COL21A1: variants seen among roughly 807,000 people sequenced by gnomAD.
COL21A1 encodes collagen alpha-1(XXI) chain.
COL21A1 carries 149 observed loss-of-function variants against 137.9 expected under a neutral mutation model. The ratio of observed to expected loss-of-function variants is 1.08; its 90% CI spans 0.95 to 1.24. COL21A1 has a LOEUF of 1.24. COL21A1 is among the 50% of genes most tolerant of loss of function. The pLI is 0.00. For missense variants in COL21A1, 1,167 were observed against 1,158.4 expected (o/e 1.01, Z -0.11); for synonymous variants, 456 against 391.5 (o/e 1.16, Z -1.95).
intron 17 of COL21A1, among the ~76,000 whole-genome samples, chr6:56,081,628 A>C (rs2114154134): frequency 6.6e-6 from 1 of 152,022 alleles, no homozygotes; most frequent in Non-Finnish European, 1.5e-5. Flanking sequence ...TATAGGGAGA[A>C]GTAACTTACA....
At chr6:56,243,049 C>G (rs576854841) in intron 1 of COL21A1, among the ~76,000 whole-genome samples, 21 of 151,812 alleles carry the variant, frequency 1.4e-4, no homozygotes, top group Non-Finnish European at 1.3e-4. Flanking sequence ...GAGCCCTTGG[C>G]TAAGAATGAC....
chr6:56,314,194 A>C (rs1212813573), intron 1 of COL21A1, among the ~76,000 whole-genome samples: 2 of 152,176 alleles, frequency 1.3e-5, no homozygotes, highest in Admixed American at 1.3e-4. Context: ...CATGTTGGTC[A>C]GGATGATCTC....
chr6:56,059,811 T>C (rs570838800), intron 28 of COL21A1, among the ~76,000 whole-genome samples: 167 of 152,314 alleles, frequency 1.1e-3, no homozygotes, highest in Non-Finnish European at 1.9e-3. Flanking sequence ...TAAGTTTATG[T>C]GTTCATAAAT....
In COL21A1 at chr6:56,134,357, C is replaced by T. The variant is rs142454194; in HGVS notation, c.1542+7428G>A. Among the ~76,000 whole-genome samples, 1,103 of 152,182 alleles carry T rather than the reference C, an allele frequency of 7.2e-3. 17 individuals are homozygous for T. The highest frequency in any genetic ancestry group is 0.025 in the African/African-American group (1,039 of 41,518). ...TTCGTTTTGGTCAATTTCTCCCATT[C>T]GGAATGGGAGTATTTATCCAATGCC... On this transcript the variant is annotated intron_variant, in intron 12 of 29. Coordinates refer to ENST00000244728, the MANE Select transcript of COL21A1 (RefSeq NM_030820.4).
intron 1 of COL21A1, among the ~76,000 whole-genome samples, chr6:56,265,262 T>C (rs1763368199): frequency 6.6e-6 from 1 of 152,146 alleles, no homozygotes; most frequent in Admixed American, 6.5e-5. Flanking sequence ...CTGGGGTGGA[T>C]TGTCCAGAAC....
At chr6:56,226,169 G>T (rs1378557292) in intron 1 of COL21A1, among the ~76,000 whole-genome samples, 2 of 151,978 alleles carry the variant, frequency 1.3e-5, no homozygotes, top group Non-Finnish European at 1.5e-5. Context: ...TAACATCAGG[G>T]AGAAAAATAA....
chr6:56,127,132 A>C (rs1242604333), intron 12 of COL21A1, among the ~76,000 whole-genome samples: 1 of 152,152 alleles, frequency 6.6e-6, no homozygotes, highest in Non-Finnish European at 1.5e-5. Context: ...GCAGAGGATT[A>C]ATCTCTCATA....
intron 1 of COL21A1, among the ~76,000 whole-genome samples, chr6:56,304,212 G>T: frequency 6.6e-6 from 1 of 151,902 alleles, no homozygotes; most frequent in Non-Finnish European, 1.5e-5. Flanking sequence ...TTGTGTCTCT[G>T]CCCAGCTTTG....
chr6:56,086,853 G>A (rs1768301251), intron 17 of COL21A1, among the ~76,000 whole-genome samples: 1 of 152,178 alleles, frequency 6.6e-6, no homozygotes, highest in Non-Finnish European at 1.5e-5. Context: ...GTCAAAAGCA[G>A]TCTTAAATAA....
rs376621092 is a variant in COL21A1 at position 56,179,799 on chromosome 6, A to C, written c.419T>G (p.Val140Gly). The C allele has an allele frequency of 3.1e-6, 5 of 1,613,850 alleles. No homozygotes were observed. The African/African-American group carries it at 5.3e-5, about 17-fold the overall frequency. The part of the protein sequence containing the change: ...KSSRFLTKIA[V>G]VLTDGKSQDD... ...TTGGGATTTGCCATCCGTAAGTACC[A>C]CTGCTATCTTAGTCAGAAATCGTGA... Residue 140 changes from valine (V) to glycine (G), a missense_variant, in exon 3 of 30, where the codon GTG becomes GGG. Coordinates refer to ENST00000244728, the MANE Select transcript of COL21A1 (RefSeq NM_030820.4).
intron 1 of COL21A1, among the ~76,000 whole-genome samples, chr6:56,384,036 C>T (rs2094013305): frequency 6.6e-6 from 1 of 152,116 alleles, no homozygotes; most frequent in African/African-American, 2.4e-5. Flanking sequence ...GCCCCCTTCG[C>T]ACTAATTTGT....
At position 56,153,620 on chromosome 6, in the gene COL21A1, T is replaced by C. The variant is rs118177180; in HGVS notation, c.1434+3267A>G. On this transcript the variant is annotated intron_variant, in intron 10 of 29. Transcript: ENST00000244728. Reference sequence around the variant, plus strand: ...TCTCCCTCTCTGTGCTTAATTCATTTCAATCTGTTGTTTGTACTACCCTCC... The same window carrying C: ...TCTCCCTCTCTGTGCTTAATTCATTCCAATCTGTTGTTTGTACTACCCTCC... Among the ~76,000 whole-genome samples the C allele has an allele frequency of 3.3e-5, 5 of 152,270 alleles. No individual in the cohort carries two copies. The East Asian group carries it at 9.7e-4, about 29-fold the overall frequency.
intron 1 of COL21A1, among the ~76,000 whole-genome samples, chr6:56,288,073 ATTTG>A (rs1468092233): frequency 6.6e-6 from 1 of 152,158 alleles, no homozygotes; most frequent in Admixed American, 6.5e-5. Flanking sequence ...AAGGTAACAT[ATTTG>A]TTTGTTTTAA....
chr6:56,182,253 T>C (rs2152282860), intron 2 of COL21A1, among the ~76,000 whole-genome samples: 1 of 152,258 alleles, frequency 6.6e-6, no homozygotes, highest in African/African-American at 2.4e-5. Flanking sequence ...TATCATGCAG[T>C]TCAAAAGTGG....
At chr6:56,170,437 A>T (rs1450185000) in intron 5 of COL21A1, among the ~76,000 whole-genome samples, 1 of 151,950 alleles carries the variant, frequency 6.6e-6, no homozygotes, top group Non-Finnish European at 1.5e-5. Context: ...CACTCAAAAT[A>T]TGTCAGTTCC....
At chr6:56,360,587 A>G (rs1382779224) in intron 1 of COL21A1, among the ~76,000 whole-genome samples, 1 of 152,210 alleles carries the variant, frequency 6.6e-6, no homozygotes, top group Non-Finnish European at 1.5e-5. Flanking sequence ...TTAAAAAGGC[A>G]TTGAAAAGAT....
chr6:56,334,440 T>C (rs570175934), intron 1 of COL21A1, among the ~76,000 whole-genome samples: 1 of 152,228 alleles, frequency 6.6e-6, no homozygotes, highest in East Asian at 1.9e-4. Flanking sequence ...CACAACAATT[T>C]TGAGTTATAA....
At chr6:56,308,983 A>G (rs1399709893) in intron 1 of COL21A1, among the ~76,000 whole-genome samples, 1 of 152,096 alleles carries the variant, frequency 6.6e-6, no homozygotes, top group Non-Finnish European at 1.5e-5. Flanking sequence ...AAAGATAGAG[A>G]AGATTCAGAG....
chr6:56,204,218 A>T (rs1779599291), intron 1 of COL21A1, among the ~76,000 whole-genome samples: 1 of 152,120 alleles, frequency 6.6e-6, no homozygotes, highest in Non-Finnish European at 1.5e-5. Context: ...GGAGCCCAGC[A>T]AGCTAAGATT....
Sources: allele counts gnomAD v4.1 joint callset (sites outside exome capture counted in the v4.1 genomes callset), GRCh38; gene constraint gnomAD v4.1.1; transcripts MANE v1.5; gene names NCBI Gene and HGNC (gene_info 2026-07-23, HGNC 2026-07-21).